The following AP1AR variants were observed in gnomAD, a reference collection of about 807,000 sequenced individuals.
AP1AR encodes AP-1 complex-associated regulatory protein.
A neutral mutation model predicts 46.3 loss-of-function variants in AP1AR; 29 were observed. The ratio of observed to expected loss-of-function variants is 0.63; its 90% CI spans 0.47 to 0.85. The LOEUF (loss-of-function observed/expected upper bound fraction) is 0.85. Ranked by LOEUF, AP1AR falls within the 40% of genes least tolerant of loss-of-function variation. The pLI is 0.00. For synonymous variants in AP1AR, 122 were observed against 122.9 expected, an observed-to-expected ratio of 0.99 and a Z score of 0.05; for missense variants, 357 against 356.3, an observed-to-expected ratio of 1.00 and a Z score of -0.02.
At position 112,272,295 on chromosome 4, in the gene AP1AR, A is replaced by C. The variant is rs1726987278; in HGVS notation, c.*3886A>C. ...TGAGGGCTGGTGACAGGGAAGGGAA[A>C]ATCTAACAGGAGACATCTTGAGCTC... On this transcript the variant is annotated 3_prime_UTR_variant, in exon 10 of 10. Transcript: ENST00000274000. 1.3e-5 allele frequency among the ~76,000 whole-genome samples: 2 copies of C among 152,080 alleles called. No individual in the cohort carries two copies. Among genetic ancestry groups the C allele is most frequent in the South Asian group, 4.1e-4 (2 of 4,824 alleles).
chr4:112,233,455 T>C (rs1427185392), intron 1 of AP1AR, among the ~76,000 whole-genome samples: 1 of 152,242 alleles, frequency 6.6e-6, no homozygotes, highest in African/African-American at 2.4e-5. Flanking sequence ...TTTAAGTATT[T>C]ATAATTTTTG....
rs1299977080 is a variant in AP1AR at position 112,271,938 on chromosome 4, C to T, written c.*3529C>T. On this transcript the variant is annotated 3_prime_UTR_variant, in exon 10 of 10. Coordinates refer to ENST00000274000, the MANE Select transcript of AP1AR (RefSeq NM_018569.6). ...TAGAAGTTGGGGGTAGTGAAACAGTCGTCAAAAGAAACAGATACAGGAGGA... is the reference window on the plus strand; with the variant it reads ...TAGAAGTTGGGGGTAGTGAAACAGTTGTCAAAAGAAACAGATACAGGAGGA... Among the ~76,000 whole-genome samples the T allele has an allele frequency of 3.3e-5, 5 of 152,030 alleles. No homozygotes were observed. The highest frequency in any genetic ancestry group is 5.9e-5 in the Non-Finnish European group (4 of 68,010).
At chr4:112,232,283 C>T (rs964283815) in intron 1 of AP1AR, 109 bp downstream of exon 1, 2 of 935,394 alleles carry the variant, frequency 2.1e-6, no homozygotes, top group Non-Finnish European at 2.8e-6. Context: ...GTCGAGAGCC[C>T]TGCTACACTC....
chr4:112,242,726 A>G (rs531365789), intron 1 of AP1AR, among the ~76,000 whole-genome samples: 1 of 152,186 alleles, frequency 6.6e-6, no homozygotes, highest in Non-Finnish European at 1.5e-5. Context: ...AACACTTCCT[A>G]TTAGGCCCCA....
At chr4:112,240,084 A>G (rs193075714) in intron 1 of AP1AR, among the ~76,000 whole-genome samples, 1 of 152,376 alleles carries the variant, frequency 6.6e-6, no homozygotes, top group Non-Finnish European at 1.5e-5. Flanking sequence ...TGTGACACAA[A>G]TACAACATAA....
chr4:112,251,653 A>C lies in AP1AR; in HGVS notation c.84-1555A>C, dbSNP rs1725967352. On this transcript the variant is annotated intron_variant, in intron 1 of 9. Coordinates refer to ENST00000274000, the MANE Select transcript of AP1AR (RefSeq NM_018569.6). Reference sequence around the variant, plus strand: ...GAAGCATATAGCACTGTAAGCAGGAATCCTAATGCCAGAACCCAGTGCTAC... The same window carrying C: ...GAAGCATATAGCACTGTAAGCAGGACTCCTAATGCCAGAACCCAGTGCTAC... Among the ~76,000 whole-genome samples the C allele has an allele frequency of 2.0e-5, 3 of 152,332 alleles. No individual in the cohort carries two copies. The South Asian group carries it at 6.2e-4, about 32-fold the overall frequency.
At chr4:112,263,957 C>A (rs1244055119) in intron 6 of AP1AR, among the ~76,000 whole-genome samples, 1 of 152,140 alleles carries the variant, frequency 6.6e-6, no homozygotes, top group African/African-American at 2.4e-5. Context: ...GTAGTGTTAA[C>A]TGAAGTAGTA....
chr4:112,253,275 G>T lies in AP1AR; in HGVS notation c.132+19G>T, dbSNP rs1005466617. ...AATAGAGGTAAGTAGTCCTTAATTT[G>T]ATTGAATTAAAAATGCCTTCAGAAA... is the stretch of plus-strand genomic sequence containing the variant. On this transcript the variant is annotated intron_variant, in intron 2 of 9. Coordinates refer to ENST00000274000, the MANE Select transcript of AP1AR (RefSeq NM_018569.6). 1.3e-6 allele frequency: 2 copies of T among 1,595,762 alleles called. No homozygotes were observed. Among genetic ancestry groups the T allele is most frequent in the African/African-American group, 2.7e-5 (2 of 74,232 alleles).
rs558131733 is a variant in AP1AR at position 112,251,132 on chromosome 4, T to C, written c.84-2076T>C. On this transcript the variant is annotated intron_variant, in intron 1 of 9. Transcript: ENST00000274000. ...GTCAGAAAGCATAATCCCCAGCAACTCTCTAGAGCTCTCAGAAGGATATTG... is the reference window on the plus strand; with the variant it reads ...GTCAGAAAGCATAATCCCCAGCAACCCTCTAGAGCTCTCAGAAGGATATTG... Among the ~76,000 whole-genome samples the C allele has an allele frequency of 5.3e-5, 8 of 152,290 alleles. No homozygotes were observed. The South Asian group carries it at 1.0e-3, about 20-fold the overall frequency.
chr4:112,242,237 G>A (rs921784990), intron 1 of AP1AR, among the ~76,000 whole-genome samples: 6 of 152,078 alleles, frequency 3.9e-5, no homozygotes, highest in African/African-American at 1.2e-4. Context: ...TGAGAACATC[G>A]ATAAGTGAAT....
At position 112,270,187 on chromosome 4, in the gene AP1AR, T is replaced by TA. The variant is rs1726893524; in HGVS notation, c.*1778_*1779insA. On this transcript the variant is annotated 3_prime_UTR_variant, in exon 10 of 10. Coordinates refer to ENST00000274000, the MANE Select transcript of AP1AR (RefSeq NM_018569.6). ...GAAAGCAAGATGGAACTAGAAAATGTGTTTTAACTGTTAAAAAAAAGTTAA... is the reference window on the plus strand; with the variant it reads ...GAAAGCAAGATGGAACTAGAAAATGTAGTTTTAACTGTTAAAAAAAAGTTAA... The TA allele has an allele frequency of 6.6e-6, 1 of 152,542 alleles. No individual in the cohort carries two copies. The highest frequency in any genetic ancestry group is 2.4e-5 in the African/African-American group (1 of 41,464). 9.4% of individuals were successfully genotyped at this position (152,542 alleles called of 1,614,324 possible).
chr4:112,268,417 T>G lies in AP1AR; in HGVS notation c.*8T>G. On this transcript the variant is annotated 3_prime_UTR_variant, in exon 10 of 10. Transcript: ENST00000274000. ...GATCAACAGACTCGATAGGGTAAAATTGTGTGACCTTGTTTATCAGTTATG... is the reference window on the plus strand; with the variant it reads ...GATCAACAGACTCGATAGGGTAAAAGTGTGTGACCTTGTTTATCAGTTATG... 6.4e-7 allele frequency: 1 copy of G among 1,566,796 alleles called. No individual in the cohort carries two copies. The highest frequency in any genetic ancestry group is 8.6e-7 in the Non-Finnish European group (1 of 1,156,070).
At chr4:112,235,537 C>T (rs1437757229) in intron 1 of AP1AR, among the ~76,000 whole-genome samples, 1 of 152,138 alleles carries the variant, frequency 6.6e-6, no homozygotes, top group Non-Finnish European at 1.5e-5. Context: ...CCGTTACTTC[C>T]TATGTGCCAG....
intron 4 of AP1AR, 103 bp from the exon 5 acceptor site, chr4:112,260,663 G>A: frequency 2.9e-6 from 2 of 700,876 alleles, no homozygotes; most frequent in Non-Finnish European, 4.5e-6. Flanking sequence ...ATTTTTAACA[G>A]CAAAATTTGA....
In AP1AR at chr4:112,258,401, C is replaced by T. The variant is rs564123555; in HGVS notation, c.185+604C>T. Among the ~76,000 whole-genome samples, 11 of 152,268 alleles carry T rather than the reference C, an allele frequency of 7.2e-5. No individual in the cohort carries two copies. The East Asian group carries it at 1.7e-3, about 24-fold the overall frequency. ...TGCTAGACACTGGGATTTTAAAAAT[C>T]AGACATAGTCTCTCCATTAGAAGAA... On this transcript the variant is annotated intron_variant, in intron 4 of 9. Coordinates refer to ENST00000274000, the MANE Select transcript of AP1AR (RefSeq NM_018569.6).
intron 6 of AP1AR, among the ~76,000 whole-genome samples, chr4:112,264,144 A>C (rs1258427316): frequency 6.6e-6 from 1 of 152,156 alleles, no homozygotes; most frequent in East Asian, 1.9e-4. Flanking sequence ...TTTTTAAGTC[A>C]GTTCTAAATA....
chr4:112,260,380 C>T (rs1324143649), intron 4 of AP1AR, among the ~76,000 whole-genome samples: 7 of 152,094 alleles, frequency 4.6e-5, no homozygotes, highest in Admixed American at 1.3e-4. Context: ...AATGGTATGA[C>T]GGCTGAGATC....
intron 4 of AP1AR, among the ~76,000 whole-genome samples, chr4:112,260,300 A>G (rs1010913408): frequency 6.6e-6 from 1 of 152,160 alleles, no homozygotes; most frequent in African/African-American, 2.4e-5. Flanking sequence ...GAGAAAAGGG[A>G]AGGATGAAGG....
chr4:112,238,432 G>A (rs1356381582), intron 1 of AP1AR, among the ~76,000 whole-genome samples: 1 of 151,754 alleles, frequency 6.6e-6, no homozygotes, highest in Non-Finnish European at 1.5e-5. Flanking sequence ...GTACCTTTGA[G>A]AATTTTAAAA....
Sources: allele counts gnomAD v4.1 joint callset (sites outside exome capture counted in the v4.1 genomes callset), GRCh38; gene constraint gnomAD v4.1.1; transcripts MANE v1.5; gene names NCBI Gene and HGNC (gene_info 2026-07-23, HGNC 2026-07-21).